TMEM163: variants seen among roughly 807,000 people sequenced by gnomAD.
The protein encoded by TMEM163 is transmembrane protein 163.
Under a neutral mutation model 29.3 loss-of-function variants are expected in TMEM163, and 17 were observed. The ratio of observed to expected loss-of-function variants is 0.58; its 90% CI spans 0.40 to 0.87. The LOEUF is 0.87. TMEM163 is among the 40% of genes least tolerant of loss of function. TMEM163 has a pLI of 0.00. For synonymous variants in TMEM163, 157 were observed against 160.6 expected, an observed-to-expected ratio of 0.98 and a Z score of 0.17; for missense variants, 303 against 381.5, an observed-to-expected ratio of 0.79 and a Z score of 1.71.
intron 2 of TMEM163, among the ~76,000 whole-genome samples, chr2:134,683,708 A>G (rs563518262): frequency 6.6e-6 from 1 of 152,350 alleles, no homozygotes; most frequent in African/African-American, 2.4e-5. Flanking sequence ...GCAGGTGTTT[A>G]GTAGACGCTG....
intron 4 of TMEM163, among the ~76,000 whole-genome samples, chr2:134,515,853 T>C (rs1338720257): frequency 6.6e-6 from 1 of 152,212 alleles, no homozygotes; most frequent in African/African-American, 2.4e-5. Flanking sequence ...GTGCTGTACT[T>C]TTGTAACAAA....
intron 2 of TMEM163, among the ~76,000 whole-genome samples, chr2:134,682,750 CA>C (rs1291142585): frequency 6.6e-6 from 1 of 152,102 alleles, no homozygotes; most frequent in African/African-American, 2.4e-5. Context: ...TCACTCTTAC[CA>C]AAAATTGTGC....
chr2:134,639,999 C>T (rs6705916), intron 2 of TMEM163, among the ~76,000 whole-genome samples: 71,993 of 151,920 alleles, frequency 0.47, 17,994 homozygotes, highest in Non-Finnish European at 0.56. Flanking sequence ...ACCCCAGTTT[C>T]CCCAGAGTAT....
intron 2 of TMEM163, among the ~76,000 whole-genome samples, chr2:134,663,839 C>G (rs997176991): frequency 1.3e-5 from 2 of 152,350 alleles, no homozygotes; most frequent in South Asian, 4.1e-4. Context: ...TTTACCACAC[C>G]TGTTTCCTCT....
chr2:134,684,711 GT>G (rs1684317817), intron 2 of TMEM163, among the ~76,000 whole-genome samples: 1 of 152,030 alleles, frequency 6.6e-6, no homozygotes, highest in African/African-American at 2.4e-5. Flanking sequence ...GGATCATGAG[GT>G]CAGGAGATTG....
At chr2:134,597,286 C>T (rs1275004849) in intron 2 of TMEM163, among the ~76,000 whole-genome samples, 1 of 152,176 alleles carries the variant, frequency 6.6e-6, no homozygotes, top group Non-Finnish European at 1.5e-5. Context: ...GAGATACGTC[C>T]TATCAATACC....
chr2:134,541,076 T>C lies in TMEM163; in HGVS notation c.458+9494A>G, dbSNP rs191461051. On this transcript the variant is annotated intron_variant, in intron 4 of 7. Transcript: ENST00000281924. ...CCCATGGCATTGCAGAAAAAGAATA[T>C]GAGTGGTGAAGGCAAAGCAGGAACT... 2.6e-5 allele frequency among the ~76,000 whole-genome samples: 4 copies of C among 152,302 alleles called. 1 individual carries two copies. Among genetic ancestry groups the C allele is most frequent in the Admixed American group, 2.6e-4 (4 of 15,294 alleles).
chr2:134,549,103 TAAAA>T (rs35128948), intron 4 of TMEM163, among the ~76,000 whole-genome samples: 2 of 144,306 alleles, frequency 1.4e-5, no homozygotes, highest in Non-Finnish European at 3.1e-5. Context: ...CTTAATTTGT[TAAAA>T]AAAAAAAAAA....
rs1359881515 is a variant in TMEM163 at position 134,521,460 on chromosome 2, C to T, written c.459-18463G>A. Among the ~76,000 whole-genome samples, 5 of 152,228 alleles carry T rather than the reference C, an allele frequency of 3.3e-5. No individual in the cohort carries two copies. In the East Asian group the frequency reaches 9.7e-4, roughly 29 times the overall value. On this transcript the variant is annotated intron_variant, in intron 4 of 7. Coordinates refer to ENST00000281924, the MANE Select transcript of TMEM163 (RefSeq NM_030923.5). ...CTACTGGCCTCTGGTGAGTAGAGCT[C>T]AGGGATGCTGCGATGCACAGGAAAG...
chr2:134,518,571 G>A (rs146797904), intron 4 of TMEM163, among the ~76,000 whole-genome samples: 2 of 152,144 alleles, frequency 1.3e-5, no homozygotes, highest in Non-Finnish European at 2.9e-5. Context: ...TTAACCACTC[G>A]GGGTCGCGTA....
At chr2:134,708,910 C>G (rs1293975791) in intron 2 of TMEM163, among the ~76,000 whole-genome samples, 1 of 152,132 alleles carries the variant, frequency 6.6e-6, no homozygotes, top group African/African-American at 2.4e-5. Context: ...TTTGAGTGAG[C>G]TTTTTCTGAG....
intron 4 of TMEM163, among the ~76,000 whole-genome samples, chr2:134,509,693 T>C (rs1312548487): frequency 6.6e-6 from 1 of 152,186 alleles, no homozygotes; most frequent in African/African-American, 2.4e-5. Context: ...GAATCTAGGA[T>C]AGGAAACCTG....
chr2:134,494,110 A>G (rs1310309642), intron 5 of TMEM163, among the ~76,000 whole-genome samples: 2 of 152,060 alleles, frequency 1.3e-5, no homozygotes, highest in African/African-American at 4.8e-5. Context: ...CCACACACAC[A>G]TTCTCTCTCC....
chr2:134,677,279 C>T (rs6713239), intron 2 of TMEM163, among the ~76,000 whole-genome samples: 98,286 of 152,046 alleles, frequency 0.65, 33,072 homozygotes, highest in African/African-American at 0.79. Context: ...TTTTTAAAGG[C>T]GTCTCTGAAG....
At chr2:134,601,393 C>T (rs1682228366) in intron 2 of TMEM163, among the ~76,000 whole-genome samples, 1 of 152,328 alleles carries the variant, frequency 6.6e-6, no homozygotes, top group East Asian at 1.9e-4. Flanking sequence ...AACGACATCG[C>T]CAGCGATCCA....
intron 2 of TMEM163, among the ~76,000 whole-genome samples, chr2:134,614,307 A>G (rs1023854592): frequency 1.3e-5 from 2 of 152,158 alleles, no homozygotes; most frequent in Admixed American, 6.5e-5. Flanking sequence ...CACACTTTAT[A>G]TAAAATTAAA....
At chr2:134,689,163 C>T (rs1684410303) in intron 2 of TMEM163, among the ~76,000 whole-genome samples, 1 of 145,696 alleles carries the variant, frequency 6.9e-6, no homozygotes, top group South Asian at 2.1e-4. Context: ...GGCTGGAGTG[C>T]AATGGCATGA....
At chr2:134,702,431 G>A (rs1005216328) in intron 2 of TMEM163, among the ~76,000 whole-genome samples, 1 of 152,212 alleles carries the variant, frequency 6.6e-6, no homozygotes, top group African/African-American at 2.4e-5. Flanking sequence ...GACTGCTTGA[G>A]CCCAGGACTT....
At chr2:134,633,966 CATATATAT>C (rs535811215) in intron 2 of TMEM163, among the ~76,000 whole-genome samples, 1,623 of 37,090 alleles carry the variant, frequency 0.044, 33 homozygotes, top group Non-Finnish European at 0.1. Context: ...AAAAAAAATA[CATATATAT>C]ATATATATAT....
Sources: gnomAD v4.1 joint callset for allele counts (sites outside exome capture counted in the v4.1 genomes callset) on GRCh38, gnomAD v4.1.1 for gene constraint, MANE v1.5 for transcripts, NCBI Gene and HGNC (gene_info 2026-07-23, HGNC 2026-07-21) for gene names.